The following FAM222B variants were observed in gnomAD, a reference collection of about 807,000 sequenced individuals.
FAM222B encodes protein FAM222B.
A neutral mutation model predicts 38.0 loss-of-function variants in FAM222B; 12 were observed. The observed-to-expected ratio is 0.32, with a 90% CI of 0.20 to 0.51. The LOEUF is 0.51. Ranked by LOEUF, FAM222B falls within the 20% of genes least tolerant of loss-of-function variation. The pLI, the probability that FAM222B is intolerant of heterozygous loss-of-function variation, is 0.97. For missense variants in FAM222B, 716 were observed against 754.2 expected (o/e 0.95, Z 0.59); for synonymous variants, 329 against 317.2 (o/e 1.04, Z -0.40).
rs2034790400 is a variant in FAM222B at position 28,758,006 on chromosome 17, A to AG, written c.*263dup. The stretch of plus-strand genomic sequence containing the variant: ...GGTGGGAGCTGGCTGGAAATGGCCA[A>AG]GGTGGAGAGACTAGCTGACAGGCAG... On this transcript the variant is annotated 3_prime_UTR_variant, in exon 3 of 3. Coordinates refer to ENST00000581407, the MANE Select transcript of FAM222B (RefSeq NM_001077498.3). 5.5e-6 allele frequency: 2 copies of AG among 366,186 alleles called. No homozygotes were observed. The highest frequency in any genetic ancestry group is 4.9e-6 in the Non-Finnish European group (1 of 202,866). The allele number at this position is 366,186 out of a possible 1,614,324, so 22.7% of individuals were successfully genotyped here. A position where few individuals can be genotyped will look rare whatever the true frequency, so the allele number is the denominator to read the frequency against.
chr17:28,794,986 G>A (rs2036869778), intron 1 of FAM222B, among the ~76,000 whole-genome samples: 1 of 151,934 alleles, frequency 6.6e-6, no homozygotes, highest in Non-Finnish European at 1.5e-5. Flanking sequence ...CCAGGTACTT[G>A]GGAGGCTGAG....
At chr17:28,825,123 C>G (rs1255431154) in intron 1 of FAM222B, among the ~76,000 whole-genome samples, 1 of 151,732 alleles carries the variant, frequency 6.6e-6, no homozygotes, top group African/African-American at 2.4e-5. Flanking sequence ...CGACTCATAT[C>G]ATACTCGTAC....
chr17:28,815,891 C>T (rs1598005773), intron 1 of FAM222B, among the ~76,000 whole-genome samples: 1 of 150,914 alleles, frequency 6.6e-6, no homozygotes, highest in Admixed American at 6.6e-5. Context: ...CGCTTGAAAC[C>T]GGGAGGCGCA....
chr17:28,825,194 A>G (rs969950661), intron 1 of FAM222B, among the ~76,000 whole-genome samples: 1 of 151,620 alleles, frequency 6.6e-6, no homozygotes. Flanking sequence ...GCACTTTGGG[A>G]GGCCAAAGCA....
At chr17:28,820,531 T>C (rs562581330) in intron 1 of FAM222B, among the ~76,000 whole-genome samples, 38 of 152,268 alleles carry the variant, frequency 2.5e-4, no homozygotes, top group South Asian at 2.3e-3. Flanking sequence ...GCTATAAATA[T>C]AGACACAATA....
At chr17:28,797,427 A>G (rs1276139576) in intron 1 of FAM222B, among the ~76,000 whole-genome samples, 1 of 152,210 alleles carries the variant, frequency 6.6e-6, no homozygotes, top group African/African-American at 2.4e-5. Context: ...AAGTTTTTGA[A>G]GAAGGGCAAT....
At chr17:28,794,737 G>A (rs2036859604) in intron 1 of FAM222B, among the ~76,000 whole-genome samples, 2 of 152,048 alleles carry the variant, frequency 1.3e-5, no homozygotes, top group African/African-American at 2.4e-5. Flanking sequence ...TATGTCCCTT[G>A]TTTCTATCCC....
At chr17:28,788,059 G>C (rs1487147494) in intron 1 of FAM222B, among the ~76,000 whole-genome samples, 1 of 152,018 alleles carries the variant, frequency 6.6e-6, no homozygotes, top group African/African-American at 2.4e-5. Context: ...CCCAACCTCA[G>C]GTGATCCGCC....
At chr17:28,821,523 CTTT>C in intron 1 of FAM222B, among the ~76,000 whole-genome samples, 4 of 152,200 alleles carry the variant, frequency 2.6e-5, no homozygotes, top group Non-Finnish European at 4.4e-5. Flanking sequence ...AACTGATGTA[CTTT>C]AAGAACAAGG....
chr17:28,764,632 CA>C (rs1195747291), intron 2 of FAM222B, among the ~76,000 whole-genome samples: 1 of 151,786 alleles, frequency 6.6e-6, no homozygotes, highest in African/African-American at 2.4e-5. Context: ...CCTGTAATCT[CA>C]GCTACTCAAG....
intron 1 of FAM222B, among the ~76,000 whole-genome samples, chr17:28,771,200 CTGCAGT>C (rs2035616667): frequency 6.6e-6 from 1 of 151,892 alleles, no homozygotes; most frequent in Non-Finnish European, 1.5e-5. Context: ...TTCTTGGACT[CTGCAGT>C]TGGCCTCAAT....
intron 1 of FAM222B, among the ~76,000 whole-genome samples, chr17:28,822,832 A>AATATATAT (rs1254235399): frequency 2.3e-3 from 98 of 42,778 alleles, no homozygotes; most frequent in African/African-American, 6.1e-3. Flanking sequence ...AAAAAAAAAA[A>AATATATAT]ATATATATAT....
At chr17:28,848,551 G>A (rs2039160579) in intron 1 of FAM222B, among the ~76,000 whole-genome samples, 1 of 151,960 alleles carries the variant, frequency 6.6e-6, no homozygotes, top group Non-Finnish European at 1.5e-5. Flanking sequence ...ACGAGGTCAG[G>A]AATTCAAGAC....
At chr17:28,777,706 C>CTG (rs932723257) in intron 1 of FAM222B, among the ~76,000 whole-genome samples, 2 of 152,010 alleles carry the variant, frequency 1.3e-5, no homozygotes, top group African/African-American at 4.8e-5. Context: ...GTGTTAACAA[C>CTG]TGTGTGTGTA....
At chr17:28,813,180 C>A (rs2037880694) in intron 1 of FAM222B, among the ~76,000 whole-genome samples, 1 of 149,302 alleles carries the variant, frequency 6.7e-6, no homozygotes, top group Admixed American at 6.7e-5. Flanking sequence ...ATAGTTGGCT[C>A]CAACCTGTTT....
At chr17:28,813,207 A>T (rs2037881850) in intron 1 of FAM222B, among the ~76,000 whole-genome samples, 1 of 151,514 alleles carries the variant, frequency 6.6e-6, no homozygotes, top group Non-Finnish European at 1.5e-5. Context: ...CAAAACATCC[A>T]ATGTATTTAG....
intron 1 of FAM222B, chr17:28,766,963 A>G (rs2035360945): frequency 2.7e-6 from 1 of 373,416 alleles, no homozygotes; most frequent in Non-Finnish European, 5.0e-6. Flanking sequence ...GCACCTATTC[A>G]TACAACTGGA....
chr17:28,785,540 T>A (rs1016280141), intron 1 of FAM222B, among the ~76,000 whole-genome samples: 2 of 151,020 alleles, frequency 1.3e-5, no homozygotes, highest in African/African-American at 4.8e-5. Flanking sequence ...AGGATGAGGA[T>A]GATATTATTT....
intron 1 of FAM222B, among the ~76,000 whole-genome samples, chr17:28,822,802 C>CAAAAA (rs71135859): frequency 6.1e-4 from 6 of 9,878 alleles, no homozygotes; most frequent in Non-Finnish European, 7.4e-4. Context: ...GACTCCATCT[C>CAAAAA]AAAAAAAAAA....
Sources: gnomAD v4.1 joint callset for allele counts (sites outside exome capture counted in the v4.1 genomes callset) on GRCh38, gnomAD v4.1.1 for gene constraint, MANE v1.5 for transcripts, NCBI Gene and HGNC (gene_info 2026-07-23, HGNC 2026-07-21) for gene names.